CAMKMT: variants seen among roughly 807,000 people sequenced by gnomAD.
CAMKMT encodes the protein CaM KMT.
CAMKMT carries 53 observed loss-of-function variants against 48.0 expected under a neutral mutation model. That is an observed-to-expected ratio of 1.10 (90% confidence interval 0.89 to 1.39). CAMKMT has a LOEUF of 1.39. Ranked by LOEUF, CAMKMT falls within the 40% of genes most tolerant of loss-of-function variation. CAMKMT has a pLI of 0.00. For missense variants in CAMKMT, 428 were observed against 402.7 expected (o/e 1.06, Z -0.54); for synonymous variants, 165 against 152.3 (o/e 1.08, Z -0.61).
At chr2:44,441,305 G>A (rs1449722448) in intron 3 of CAMKMT, among the ~76,000 whole-genome samples, 2 of 152,016 alleles carry the variant, frequency 1.3e-5, no homozygotes, top group Non-Finnish European at 2.9e-5. Context: ...CCTTTAAATT[G>A]TAACTAATAA....
chr2:44,385,142 G>C (rs368578362), intron 2 of CAMKMT, among the ~76,000 whole-genome samples: 24 of 152,020 alleles, frequency 1.6e-4, no homozygotes, highest in Middle Eastern at 3.4e-3. Context: ...TGTTTGTGTC[G>C]TCTGTGATTT....
intron 3 of CAMKMT, among the ~76,000 whole-genome samples, chr2:44,586,929 C>CA (rs1340859514): frequency 6.6e-6 from 1 of 151,654 alleles, no homozygotes; most frequent in Non-Finnish European, 1.5e-5. Context: ...TTGCCAGCAG[C>CA]AGCATGGGAA....
chr2:44,717,920 C>T (rs1433417265), intron 7 of CAMKMT, among the ~76,000 whole-genome samples: 1 of 151,900 alleles, frequency 6.6e-6, no homozygotes, highest in Non-Finnish European at 1.5e-5. Context: ...CGATGATGTT[C>T]TCAGTAACTA....
At chr2:44,767,107 T>C (rs1469639661) in intron 10 of CAMKMT, among the ~76,000 whole-genome samples, 2 of 152,168 alleles carry the variant, frequency 1.3e-5, no homozygotes, top group Non-Finnish European at 1.5e-5. Flanking sequence ...TATCTGAGAG[T>C]GATTTCTAAG....
intron 3 of CAMKMT, among the ~76,000 whole-genome samples, chr2:44,458,289 C>T (rs1397441237): frequency 2.0e-5 from 3 of 151,984 alleles, no homozygotes; most frequent in African/African-American, 4.8e-5. Flanking sequence ...TCAAGTGATC[C>T]GCCCGCCTCG....
intron 3 of CAMKMT, among the ~76,000 whole-genome samples, chr2:44,464,327 A>C (rs1047273896): frequency 2.6e-5 from 4 of 152,208 alleles, no homozygotes; most frequent in African/African-American, 9.6e-5. Flanking sequence ...AAAGTAAAGA[A>C]AGCCTGAAGG....
In CAMKMT at chr2:44,705,857, T is replaced by C. The variant is rs562793543; in HGVS notation, c.438-430T>C. Among the ~76,000 whole-genome samples the C allele has an allele frequency of 2.8e-4, 42 of 152,296 alleles. No individual in the cohort carries two copies. In the South Asian group the frequency reaches 8.5e-3, roughly 31 times the overall value. ...GTGTTGTTTGTATGTAACTATAATA[T>C]AGGTATATACACACTCATATATATT... On this transcript the variant is annotated intron_variant, in intron 4 of 10. Coordinates refer to ENST00000378494, the MANE Select transcript of CAMKMT (RefSeq NM_024766.5).
intron 3 of CAMKMT, among the ~76,000 whole-genome samples, chr2:44,702,024 AT>A (rs1340688885): frequency 6.6e-6 from 1 of 151,934 alleles, no homozygotes; most frequent in African/African-American, 2.4e-5. Context: ...AGCCTCTATA[AT>A]TTTTTGAGAC....
intron 3 of CAMKMT, among the ~76,000 whole-genome samples, chr2:44,478,112 A>G (rs967640007): frequency 1.6e-4 from 25 of 152,248 alleles, no homozygotes; most frequent in Admixed American, 1.5e-3. Context: ...AAAGATCTGA[A>G]TATACTTAAA....
intron 3 of CAMKMT, among the ~76,000 whole-genome samples, chr2:44,580,835 C>T (rs190039863): frequency 3.3e-5 from 5 of 152,300 alleles, no homozygotes; most frequent in African/African-American, 7.2e-5. Context: ...TGATCTGCCC[C>T]GGTCAGTTGT....
intron 3 of CAMKMT, among the ~76,000 whole-genome samples, chr2:44,476,512 A>G (rs1198421320): frequency 2.6e-5 from 4 of 152,160 alleles, no homozygotes; most frequent in Non-Finnish European, 4.4e-5. Context: ...TATCAAGAAT[A>G]TAAGTGAAAT....
chr2:44,561,169 C>T (rs896726199), intron 3 of CAMKMT, among the ~76,000 whole-genome samples: 1 of 152,002 alleles, frequency 6.6e-6, no homozygotes, highest in African/African-American at 2.4e-5. Flanking sequence ...TGGAATTTAG[C>T]CTTTCTGATA....
intron 3 of CAMKMT, chr2:44,394,893 A>T: frequency 2.2e-6 from 1 of 454,364 alleles, no homozygotes; most frequent in Non-Finnish European, 4.4e-6. Context: ...GTGTGGAGGT[A>T]TGTTCCTGTA....
intron 6 of CAMKMT, among the ~76,000 whole-genome samples, chr2:44,708,789 A>G (rs891309026): frequency 1.6e-4 from 25 of 152,246 alleles, no homozygotes; most frequent in African/African-American, 6.0e-4. Flanking sequence ...AAGCTCAGGT[A>G]TGCCAGCTCA....
intron 2 of CAMKMT, among the ~76,000 whole-genome samples, chr2:44,378,580 G>A (rs541204065): frequency 1.7e-4 from 26 of 152,060 alleles, no homozygotes; most frequent in Non-Finnish European, 2.6e-4. Flanking sequence ...TGCAACCTCC[G>A]CCTCCCGGGT....
chr2:44,549,481 T>C, intron 3 of CAMKMT: 1 of 688,690 alleles, frequency 1.5e-6, no homozygotes, highest in Non-Finnish European at 2.6e-6. Context: ...TGCCACAATG[T>C]CTTGAACTGA....
chr2:44,533,098 G>A (rs988799101), intron 3 of CAMKMT, among the ~76,000 whole-genome samples: 4 of 152,008 alleles, frequency 2.6e-5, no homozygotes, highest in Non-Finnish European at 5.9e-5. Context: ...ACAGGCATGA[G>A]CCACCGCTCC....
intron 3 of CAMKMT, among the ~76,000 whole-genome samples, chr2:44,578,099 A>G (rs535036017): frequency 1.5e-4 from 23 of 152,306 alleles, no homozygotes; most frequent in African/African-American, 4.1e-4. Flanking sequence ...TTTGGTTTCT[A>G]GATCCAGCTG....
Position 44,772,258 on chromosome 2 carries a change from C to T in CAMKMT, c.*145C>T. 2 of 619,800 alleles carry T rather than the reference C, an allele frequency of 3.2e-6. No homozygotes were observed. The highest frequency in any genetic ancestry group is 2.1e-5 in the South Asian group (1 of 48,390). The allele number at this position is 619,800 out of a possible 1,614,324, so 38.4% of individuals were successfully genotyped here. ...GGGCTATGGACTCCACCTGTCCTCACCCACGTTATTCCCCAGCTGCCCTCT... is the reference window on the plus strand; with the variant it reads ...GGGCTATGGACTCCACCTGTCCTCATCCACGTTATTCCCCAGCTGCCCTCT... On this transcript the variant is annotated 3_prime_UTR_variant, in exon 11 of 11. Transcript: ENST00000378494.
Sources: allele counts gnomAD v4.1 joint callset (sites outside exome capture counted in the v4.1 genomes callset), GRCh38; gene constraint gnomAD v4.1.1; transcripts MANE v1.5; gene names NCBI Gene and HGNC (gene_info 2026-07-23, HGNC 2026-07-21).